ARFIP1: variants seen among roughly 807,000 people sequenced by gnomAD.
ARFIP1 encodes arfaptin-1.
A neutral mutation model predicts 42.5 loss-of-function variants in ARFIP1; 24 were observed. The observed-to-expected ratio is 0.57, with a 90% CI of 0.41 to 0.80. The LOEUF (loss-of-function observed/expected upper bound fraction) is 0.80, where lower values mean the gene tolerates loss of function less well. Ranked by LOEUF, ARFIP1 falls within the 30% of genes least tolerant of loss-of-function variation. The probability of loss-of-function intolerance (pLI) is 0.00; values close to 1 mark genes in which losing one functional copy is unlikely to be tolerated. For missense variants in ARFIP1, 354 were observed against 434.0 expected, an observed-to-expected ratio of 0.82 and a Z score of 1.64; for synonymous variants, 141 against 153.7, an observed-to-expected ratio of 0.92 and a Z score of 0.61.
chr4:152,904,174 G>A (rs1321688608), intron 8 of ARFIP1, among the ~76,000 whole-genome samples: 3 of 45,240 alleles, frequency 6.6e-5, no homozygotes, highest in Non-Finnish European at 1.5e-4. Context: ...ATATATGTGT[G>A]TGTGTGTATA....
chr4:152,870,701 A>C, intron 3 of ARFIP1, 52 bp from the exon 4 acceptor site: 1 of 1,227,976 alleles, frequency 8.1e-7, no homozygotes, highest in Admixed American at 1.7e-5. Flanking sequence ...CAAAATGTAC[A>C]GTATGTGGAG....
At chr4:152,881,733 T>A (rs1274961064) in intron 6 of ARFIP1, among the ~76,000 whole-genome samples, 1 of 152,116 alleles carries the variant, frequency 6.6e-6, no homozygotes, top group African/African-American at 2.4e-5. Context: ...GAGTACAGAG[T>A]GGAGTTACAT....
At chr4:152,819,729 C>T (rs1730204927) in intron 1 of ARFIP1, among the ~76,000 whole-genome samples, 1 of 152,178 alleles carries the variant, frequency 6.6e-6, no homozygotes, top group South Asian at 2.1e-4. Flanking sequence ...AGCAGAGGCA[C>T]AAGTGCAGTT....
chr4:152,849,446 A>G (rs987094468), intron 2 of ARFIP1, among the ~76,000 whole-genome samples: 7 of 152,250 alleles, frequency 4.6e-5, no homozygotes, highest in Non-Finnish European at 8.8e-5. Flanking sequence ...ATGTAGATAC[A>G]TATAAATATT....
At chr4:152,879,091 T>C (rs1735605911) in intron 5 of ARFIP1, among the ~76,000 whole-genome samples, 1 of 152,196 alleles carries the variant, frequency 6.6e-6, no homozygotes, top group Non-Finnish European at 1.5e-5. Context: ...TCCACAGTAA[T>C]ACTTTATCCC....
intron 2 of ARFIP1, among the ~76,000 whole-genome samples, chr4:152,835,146 C>T (rs1349489353): frequency 1.3e-5 from 2 of 152,232 alleles, no homozygotes; most frequent in Non-Finnish European, 2.9e-5. Context: ...GCTAATCTCT[C>T]TAGCAAGTGG....
At chr4:152,856,224 C>T (rs554659564) in intron 2 of ARFIP1, among the ~76,000 whole-genome samples, 36 of 152,310 alleles carry the variant, frequency 2.4e-4, no homozygotes, top group African/African-American at 8.7e-4. Flanking sequence ...TATTATATCT[C>T]TTTTCCAGAA....
chr4:152,832,784 C>G (rs1473515744), intron 2 of ARFIP1, among the ~76,000 whole-genome samples: 3 of 152,148 alleles, frequency 2.0e-5, no homozygotes, highest in Non-Finnish European at 4.4e-5. Context: ...TTTTCTTCCT[C>G]TCATGTAAAT....
intron 5 of ARFIP1, among the ~76,000 whole-genome samples, chr4:152,875,951 T>C (rs955391512): frequency 6.6e-6 from 1 of 152,118 alleles, no homozygotes; most frequent in African/African-American, 2.4e-5. Context: ...TTTTGCTTCT[T>C]TCTCATTTTC....
chr4:152,890,335 A>G (rs74487596), intron 8 of ARFIP1, among the ~76,000 whole-genome samples: 184 of 152,258 alleles, frequency 1.2e-3, no homozygotes, highest in African/African-American at 4.2e-3. Flanking sequence ...CTTTTCATTT[A>G]TAGAGCCAGG....
chr4:152,785,178 T>C (rs1314472364), intron 1 of ARFIP1, among the ~76,000 whole-genome samples: 1 of 144,242 alleles, frequency 6.9e-6, no homozygotes. Context: ...GCACACTGTT[T>C]GGAAATCTTT....
chr4:152,888,266 A>C lies in ARFIP1; in HGVS notation c.925A>C (p.Asn309His). ...TAAGGAAAAATATGATAAAATGCGC[A>C]ATGATGTTTCTGTCAAATTGAAATT... is the stretch of plus-strand genomic sequence containing the variant. ...AHKEKYDKMR[N>H]DVSVKLKFLE... Residue 309 changes from asparagine to histidine, a missense_variant, in exon 8 of 9, where the codon AAT (asparagine) becomes CAT (histidine). Physicochemically the swap from Asn to His is moderately conservative, Grantham distance 68. Transcript: ENST00000353617. 1.9e-6 allele frequency: 3 copies of C among 1,609,304 alleles called. No homozygotes were observed. Among genetic ancestry groups the C allele is most frequent in the African/African-American group, 1.3e-5 (1 of 74,856 alleles).
chr4:152,823,440 C>T (rs570096874), intron 1 of ARFIP1, among the ~76,000 whole-genome samples: 1 of 152,134 alleles, frequency 6.6e-6, no homozygotes, highest in South Asian at 2.1e-4. Flanking sequence ...TTAAGAAGCC[C>T]ACAGCCAGAT....
chr4:152,889,047 A>C (rs1736505268), intron 8 of ARFIP1, among the ~76,000 whole-genome samples: 1 of 152,154 alleles, frequency 6.6e-6, no homozygotes. Flanking sequence ...TCACCATTGC[A>C]CGTTGGTAGT....
At chr4:152,786,164 T>C (rs1448745960) in intron 1 of ARFIP1, among the ~76,000 whole-genome samples, 15 of 152,240 alleles carry the variant, frequency 9.9e-5, no homozygotes, top group Admixed American at 9.8e-4. Flanking sequence ...TTGGGGATTA[T>C]AGTTAGCTGC....
At chr4:152,888,085 A>G (rs1184291562) in intron 7 of ARFIP1, 48 bp from the exon 8 acceptor site, 7 of 1,482,022 alleles carry the variant, frequency 4.7e-6, no homozygotes, top group Admixed American at 2.3e-5. Context: ...TTTTTTGAAC[A>G]TACTTTACTG....
chr4:152,796,246 T>C, intron 1 of ARFIP1: 1 of 1,004,358 alleles, frequency 1.0e-6, no homozygotes, highest in Non-Finnish European at 1.5e-6. Flanking sequence ...GATTCTTCTT[T>C]ACACCAAGTA....
At chr4:152,874,095 T>G (rs1735120762) in intron 5 of ARFIP1, among the ~76,000 whole-genome samples, 1 of 152,236 alleles carries the variant, frequency 6.6e-6, no homozygotes, top group Admixed American at 6.5e-5. Flanking sequence ...TCATGTTGTT[T>G]AGTTGATGTT....
chr4:152,908,477 G>A (rs969069980), intron 8 of ARFIP1, among the ~76,000 whole-genome samples: 2 of 152,208 alleles, frequency 1.3e-5, no homozygotes, highest in Non-Finnish European at 2.9e-5. Context: ...AGGCGTGGTG[G>A]TGCGTGCCTG....
Sources: gnomAD v4.1 joint callset for allele counts (sites outside exome capture counted in the v4.1 genomes callset) on GRCh38, gnomAD v4.1.1 for gene constraint, MANE v1.5 for transcripts, NCBI Gene and HGNC (gene_info 2026-07-23, HGNC 2026-07-21) for gene names.